Variants in KCNIP4 observed in about 807,000 individuals in gnomAD.
KCNIP4 encodes potassium voltage-gated channel interacting protein 4, also known as Kv channel-interacting protein 4.
In KCNIP4, 12 loss-of-function variants were observed where a neutral mutation model predicts 34.0. That is an observed-to-expected ratio of 0.35 (90% CI 0.23 to 0.57). KCNIP4 has a LOEUF of 0.57. KCNIP4 is among the 20% of genes least tolerant of loss of function. The pLI is 0.83. For synonymous variants in KCNIP4, 124 were observed against 102.2 expected, an observed-to-expected ratio of 1.21 and a Z score of -1.29; for missense variants, 238 against 311.7, an observed-to-expected ratio of 0.76 and a Z score of 1.78.
intron 1 of KCNIP4, among the ~76,000 whole-genome samples, chr4:21,540,138 A>C (rs997910850): frequency 6.6e-6 from 1 of 152,206 alleles, no homozygotes; most frequent in Non-Finnish European, 1.5e-5. Flanking sequence ...TTAGGCCTTC[A>C]GATTTGAAAA....
At chr4:20,943,682 C>T (rs558204808) in intron 1 of KCNIP4, among the ~76,000 whole-genome samples, 2 of 152,144 alleles carry the variant, frequency 1.3e-5, no homozygotes, top group East Asian at 3.9e-4. Flanking sequence ...TGGTTTTGAA[C>T]CCCAGGTGTC....
intron 1 of KCNIP4, among the ~76,000 whole-genome samples, chr4:20,923,780 G>A (rs1241126370): frequency 2.0e-5 from 3 of 152,094 alleles, no homozygotes; most frequent in Admixed American, 6.5e-5. Context: ...GCTCAAAAAT[G>A]GCTACTGTAT....
At chr4:20,797,297 G>A (rs1180473249) in intron 3 of KCNIP4, among the ~76,000 whole-genome samples, 1 of 152,260 alleles carries the variant, frequency 6.6e-6, no homozygotes. Context: ...TTGAACCCTA[G>A]GGTCTTTCAA....
chr4:21,800,511 T>A (rs1720920917), intron 1 of KCNIP4, among the ~76,000 whole-genome samples: 1 of 152,158 alleles, frequency 6.6e-6, no homozygotes, highest in South Asian at 2.1e-4. Context: ...AATAAAACCG[T>A]GACTCCCTAG....
chr4:21,099,717 G>A (rs1747776190), intron 1 of KCNIP4, among the ~76,000 whole-genome samples: 1 of 152,156 alleles, frequency 6.6e-6, no homozygotes, highest in African/African-American at 2.4e-5. Context: ...AAAGTAAACT[G>A]AAAATCTTCT....
intron 1 of KCNIP4, among the ~76,000 whole-genome samples, chr4:21,118,662 T>G (rs765242535): frequency 2.8e-4 from 42 of 152,042 alleles, no homozygotes; most frequent in Non-Finnish European, 4.7e-4. Flanking sequence ...AAGTGGGTGG[T>G]GGGGGGTGGT....
intron 1 of KCNIP4, among the ~76,000 whole-genome samples, chr4:21,890,467 T>C (rs1401502307): frequency 6.6e-6 from 1 of 152,238 alleles, no homozygotes. Context: ...ACCAATTTTA[T>C]ATTTTATTAG....
intron 1 of KCNIP4, among the ~76,000 whole-genome samples, chr4:21,600,051 A>G (rs1270715400): frequency 2.0e-5 from 3 of 152,084 alleles, no homozygotes; most frequent in Admixed American, 6.6e-5. Flanking sequence ...ATTGATGTAA[A>G]CAGAACTGTT....
intron 1 of KCNIP4, among the ~76,000 whole-genome samples, chr4:21,047,377 A>G (rs748243022): frequency 3.9e-5 from 6 of 152,216 alleles, no homozygotes; most frequent in Non-Finnish European, 8.8e-5. Flanking sequence ...TATGGCTTAT[A>G]ATGAAATGAT....
intron 1 of KCNIP4, among the ~76,000 whole-genome samples, chr4:21,351,115 T>C (rs973104045): frequency 2.0e-5 from 3 of 152,148 alleles, no homozygotes; most frequent in Non-Finnish European, 4.4e-5. Context: ...ATGACAGGCA[T>C]AAATGAAGAG....
At chr4:21,144,260 A>G (rs1302664922) in intron 1 of KCNIP4, among the ~76,000 whole-genome samples, 1 of 152,212 alleles carries the variant, frequency 6.6e-6, no homozygotes, top group Non-Finnish European at 1.5e-5. Flanking sequence ...AACCAGTTGT[A>G]ACATCCATAC....
At chr4:20,811,186 C>G (rs1275361759) in intron 3 of KCNIP4, among the ~76,000 whole-genome samples, 1 of 152,158 alleles carries the variant, frequency 6.6e-6, no homozygotes, top group Non-Finnish European at 1.5e-5. Context: ...TTCCCTGTCT[C>G]ATTTCCATAG....
At chr4:21,599,879 AG>A (rs1400517622) in intron 1 of KCNIP4, among the ~76,000 whole-genome samples, 1 of 152,084 alleles carries the variant, frequency 6.6e-6, no homozygotes, top group Non-Finnish European at 1.5e-5. Flanking sequence ...AGGAAGTTGT[AG>A]GGAGTACTAA....
chr4:21,519,369 C>CGTATATGTATGTTTATATAT (rs1446386400), intron 1 of KCNIP4, among the ~76,000 whole-genome samples: 2 of 125,666 alleles, frequency 1.6e-5, no homozygotes, highest in Admixed American at 1.7e-4. Context: ...CACACACACA[C>CGTATATGTATGTTTATATAT]ACACGTATAT....
At chr4:21,946,661 AT>A (rs1178888312) in intron 1 of KCNIP4, among the ~76,000 whole-genome samples, 1 of 152,166 alleles carries the variant, frequency 6.6e-6, no homozygotes, top group Non-Finnish European at 1.5e-5. Flanking sequence ...AATCCAAACT[AT>A]TTTTTTCTTT....
chr4:20,787,436 T>C (rs1021841435), intron 3 of KCNIP4, among the ~76,000 whole-genome samples: 12 of 152,148 alleles, frequency 7.9e-5, no homozygotes, highest in Admixed American at 2.0e-4. Context: ...TTCTTTTCTG[T>C]CTGCAATTTA....
At chr4:21,481,723 CG>C (rs142055366) in intron 1 of KCNIP4, among the ~76,000 whole-genome samples, 1,881 of 152,250 alleles carry the variant, frequency 0.012, 49 homozygotes, top group African/African-American at 0.043. Flanking sequence ...GTCCACTATA[CG>C]GGGCCACTTG....
intron 1 of KCNIP4, among the ~76,000 whole-genome samples, chr4:21,273,132 A>G (rs1225173958): frequency 6.6e-6 from 1 of 152,142 alleles, no homozygotes; most frequent in African/African-American, 2.4e-5. Flanking sequence ...TCAAAAGTGG[A>G]AAAGGACAAT....
chr4:21,585,611 A>G (rs1179853276), intron 1 of KCNIP4, among the ~76,000 whole-genome samples: 2 of 152,060 alleles, frequency 1.3e-5, no homozygotes, highest in African/African-American at 4.8e-5. Flanking sequence ...GACAAGTGAA[A>G]AATATGCCTG....
Sources: gnomAD v4.1 joint callset for allele counts (sites outside exome capture counted in the v4.1 genomes callset) on GRCh38, gnomAD v4.1.1 for gene constraint, MANE v1.5 for transcripts, NCBI Gene and HGNC (gene_info 2026-07-23, HGNC 2026-07-21) for gene names.